Variants in CDH13 observed in about 807,000 individuals in gnomAD.
CDH13 encodes cadherin-13.
CDH13 carries 24 observed loss-of-function variants against 63.8 expected under a neutral mutation model. The observed-to-expected ratio is 0.38, with a 90% CI of 0.27 to 0.53. The LOEUF is 0.53. Ranked by LOEUF, CDH13 falls within the 20% of genes least tolerant of loss-of-function variation. The probability of loss-of-function intolerance (pLI) is 0.85; values close to 1 mark genes in which losing one functional copy is unlikely to be tolerated. For missense variants in CDH13, 1,049 were observed against 903.1 expected, an observed-to-expected ratio of 1.16 and a Z score of -2.07; for synonymous variants, 503 against 355.3, an observed-to-expected ratio of 1.42 and a Z score of -4.67.
At chr16:83,032,258 C>T (rs764269261) in intron 3 of CDH13, 40 bp downstream of exon 3, 26 of 1,505,464 alleles carry the variant, frequency 1.7e-5, no homozygotes, top group African/African-American at 1.4e-4. Context: ...TCAAGGAGGA[C>T]ATTAGGTTCT....
intron 8 of CDH13, among the ~76,000 whole-genome samples, chr16:83,663,559 G>C (rs1320695113): frequency 6.6e-6 from 1 of 152,124 alleles, no homozygotes; most frequent in Non-Finnish European, 1.5e-5. Context: ...CGAAAAGTTA[G>C]TGTCTACTTA....
intron 1 of CDH13, among the ~76,000 whole-genome samples, chr16:82,642,230 T>G (rs888836092): frequency 6.6e-6 from 1 of 152,220 alleles, no homozygotes; most frequent in Non-Finnish European, 1.5e-5. Flanking sequence ...TTACTATTGT[T>G]GTTGACACAC....
chr16:83,355,733 C>T lies in CDH13; in HGVS notation c.781+10727C>T, dbSNP rs1056133983. Among the ~76,000 whole-genome samples, 4 of 152,126 alleles carry T rather than the reference C, an allele frequency of 2.6e-5. No homozygotes were observed. The South Asian group carries it at 6.2e-4, about 24-fold the overall frequency. ...ATGCTGACTCTGTAGAGCTTGCAGACGAAAGAGGAAGTCAGTAAATAAAGC... is the reference window on the plus strand; with the variant it reads ...ATGCTGACTCTGTAGAGCTTGCAGATGAAAGAGGAAGTCAGTAAATAAAGC... On this transcript the variant is annotated intron_variant, in intron 6 of 13. Transcript: ENST00000567109.
intron 1 of CDH13, among the ~76,000 whole-genome samples, chr16:82,650,436 T>C (rs1910593109): frequency 6.6e-6 from 1 of 152,142 alleles, no homozygotes; most frequent in East Asian, 1.9e-4. Flanking sequence ...GAAAGTCTTA[T>C]GCTCATATCA....
rs143769097 is a variant in CDH13 at position 83,687,833 on chromosome 16, C to A, written c.1538+9372C>A. On this transcript the variant is annotated intron_variant, in intron 10 of 13. Coordinates refer to ENST00000567109, the MANE Select transcript of CDH13 (RefSeq NM_001257.5). ...CCGTCAGCCAACCCTTCTTCCGAAGCCTTGATCCAAATTGAGCCTATTCTT... is the reference window on the plus strand; with the variant it reads ...CCGTCAGCCAACCCTTCTTCCGAAGACTTGATCCAAATTGAGCCTATTCTT... Among the ~76,000 whole-genome samples, 222 of 152,298 alleles carry A rather than the reference C, an allele frequency of 1.5e-3. 1 individual carries two copies. The highest frequency in any genetic ancestry group is 5.1e-3 in the African/African-American group (214 of 41,560).
At chr16:82,694,464 A>C (rs1161332063) in intron 1 of CDH13, among the ~76,000 whole-genome samples, 3 of 152,166 alleles carry the variant, frequency 2.0e-5, no homozygotes, top group South Asian at 4.1e-4. Context: ...TAGCTGAATC[A>C]ATGGCTTGCA....
chr16:83,102,655 G>A (rs1235190777), intron 3 of CDH13, among the ~76,000 whole-genome samples: 1 of 152,174 alleles, frequency 6.6e-6, no homozygotes, highest in Non-Finnish European at 1.5e-5. Flanking sequence ...CCCTGGGGGA[G>A]GGTGGTGAGG....
At chr16:82,774,372 T>C (rs1426291110) in intron 1 of CDH13, among the ~76,000 whole-genome samples, 3 of 151,938 alleles carry the variant, frequency 2.0e-5, no homozygotes, top group Non-Finnish European at 2.9e-5. Flanking sequence ...CATCTGTAAA[T>C]TGTGGATACT....
intron 1 of CDH13, among the ~76,000 whole-genome samples, chr16:82,764,864 G>A (rs2034993496): frequency 6.7e-6 from 1 of 150,008 alleles, no homozygotes; most frequent in Non-Finnish European, 1.5e-5. Context: ...ATCCAGTCTG[G>A]AGTGCAATGT....
At chr16:82,933,871 T>C (rs980072091) in intron 2 of CDH13, among the ~76,000 whole-genome samples, 2 of 152,236 alleles carry the variant, frequency 1.3e-5, no homozygotes, top group Non-Finnish European at 2.9e-5. Flanking sequence ...GTCACATTGA[T>C]GCAGGAAGTG....
chr16:82,672,210 A>G (rs1913334372), intron 1 of CDH13, among the ~76,000 whole-genome samples: 1 of 152,236 alleles, frequency 6.6e-6, no homozygotes, highest in Non-Finnish European at 1.5e-5. Context: ...GGAATAAAAT[A>G]GAAATAATAA....
intron 6 of CDH13, among the ~76,000 whole-genome samples, chr16:83,421,397 C>T (rs1227156568): frequency 2.6e-5 from 4 of 152,170 alleles, no homozygotes; most frequent in African/African-American, 9.7e-5. Context: ...TTCAGCAGCT[C>T]ATCATAATAT....
At chr16:82,896,765 C>A (rs1398703525) in intron 2 of CDH13, among the ~76,000 whole-genome samples, 3 of 132,872 alleles carry the variant, frequency 2.3e-5, no homozygotes, top group Non-Finnish European at 3.1e-5. Flanking sequence ...GACTGCTGTG[C>A]AATTCTTTTT....
intron 6 of CDH13, among the ~76,000 whole-genome samples, chr16:83,429,019 C>G (rs1351299674): frequency 6.6e-6 from 1 of 152,204 alleles, no homozygotes; most frequent in Non-Finnish European, 1.5e-5. Context: ...GGGGAAGTAT[C>G]TTCTTTTCTT....
At position 82,626,983 on chromosome 16, in the gene CDH13, C is replaced by G. The variant is rs1374068388; in HGVS notation, c.-110C>G. The G allele has an allele frequency of 3.9e-6, 5 of 1,285,068 alleles. No individual in the cohort carries two copies. The South Asian group carries it at 6.4e-5, about 16-fold the overall frequency. 79.6% of individuals were successfully genotyped at this position (1,285,068 alleles called of 1,614,324 possible). On this transcript the variant is annotated 5_prime_UTR_variant, in exon 1 of 14. Transcript: ENST00000567109. ...GCTGCTGATCTATTTGGGAAGTTGG[C>G]TGGCTGGCGAGGCAGAGCCTCTCCT...
At chr16:82,996,017 C>T (rs1472861285) in intron 2 of CDH13, among the ~76,000 whole-genome samples, 1 of 152,064 alleles carries the variant, frequency 6.6e-6, no homozygotes, top group East Asian at 1.9e-4. Context: ...GGAGAGTTGC[C>T]ATCTTCCTGT....
chr16:83,182,198 C>T (rs1168527501), intron 4 of CDH13, among the ~76,000 whole-genome samples: 2 of 152,206 alleles, frequency 1.3e-5, no homozygotes, highest in Admixed American at 1.3e-4. Context: ...TCCTTCCTGC[C>T]TCCTGCTAGT....
chr16:82,858,256 T>G (rs2039783660), intron 1 of CDH13, 106 bp from the exon 2 acceptor site: 2 of 676,568 alleles, frequency 3.0e-6, no homozygotes, highest in South Asian at 3.9e-5. Flanking sequence ...ATTTGGGAAA[T>G]GAAATCAAAA....
rs140350727 is a variant in CDH13 at position 83,236,117 on chromosome 16, C to G, written c.636+18620C>G. Among the ~76,000 whole-genome samples the G allele has an allele frequency of 1.4e-3, 214 of 152,260 alleles. 3 individuals carry two copies. The highest frequency in any genetic ancestry group is 4.9e-3 in the African/African-American group (205 of 41,566). ...TTAGTCTCCAAAGTATGTGGACGCT[C>G]TACTTCTCCCTAGTTTGTGGACCTG... On this transcript the variant is annotated intron_variant, in intron 5 of 13. Transcript: ENST00000567109.
Sources: allele counts gnomAD v4.1 joint callset (sites outside exome capture counted in the v4.1 genomes callset), GRCh38; gene constraint gnomAD v4.1.1; transcripts MANE v1.5; gene names NCBI Gene and HGNC (gene_info 2026-07-23, HGNC 2026-07-21).